The following PCDH17 variants were observed in gnomAD, a reference collection of about 807,000 sequenced individuals.
PCDH17 encodes the protein protocadherin-17.
A neutral mutation model predicts 67.7 loss-of-function variants in PCDH17; 21 were observed. That is an observed-to-expected ratio of 0.31 (90% confidence interval 0.22 to 0.45). The LOEUF is 0.45. Ranked by LOEUF, PCDH17 falls within the 20% of genes least tolerant of loss-of-function variation. PCDH17 has a pLI of 1.00. For missense variants in PCDH17, 1,471 were observed against 1,564.8 expected (o/e 0.94, Z 1.01); for synonymous variants, 701 against 656.7 (o/e 1.07, Z -1.03).
Position 57,729,208 on chromosome 13 carries a change from CAGCATACATTGT to C in PCDH17, c.*3916_*3927del, listed in dbSNP as rs1451751329. The stretch of plus-strand genomic sequence containing the variant: ...TGGTGAACAAGGACAACAACAAAAG[CAGCATACATTGT>C]ATGGATTTATCTCAACGCTATTGTT... On this transcript the variant is annotated 3_prime_UTR_variant, in exon 4 of 4. Transcript: ENST00000377918. The C allele has an allele frequency of 4.6e-5, 7 of 152,062 alleles. No homozygotes were observed. The highest frequency in any genetic ancestry group is 1.0e-4 in the Non-Finnish European group (7 of 67,972). 9.4% of individuals were successfully genotyped at this position (152,062 alleles called of 1,614,324 possible).
chr13:57,677,091 C>G (rs957699123), intron 3 of PCDH17, among the ~76,000 whole-genome samples: 8 of 151,824 alleles, frequency 5.3e-5, no homozygotes, highest in Admixed American at 4.6e-4. Flanking sequence ...ATATATATTG[C>G]ATTTCTGGCA....
At chr13:57,643,620 TTGAATTAAGAATG>T (rs1333600863) in intron 1 of PCDH17, among the ~76,000 whole-genome samples, 1 of 151,616 alleles carries the variant, frequency 6.6e-6, no homozygotes, top group African/African-American at 2.4e-5. Context: ...AGTCCTTTTA[TTGAATTAAGAATG>T]TGAATAAGAG....
chr13:57,706,343 T>C (rs1955721370), intron 3 of PCDH17, among the ~76,000 whole-genome samples: 1 of 152,158 alleles, frequency 6.6e-6, no homozygotes, highest in Admixed American at 6.5e-5. Context: ...AATTTTGTCA[T>C]TTCAGTCTTG....
Position 57,659,021 on chromosome 13 carries a change from A to T in PCDH17, c.2566-7447A>T, listed in dbSNP as rs140171328. Among the ~76,000 whole-genome samples, 382 of 152,140 alleles carry T rather than the reference A, an allele frequency of 2.5e-3. 2 individuals carry two copies. Among genetic ancestry groups the T allele is most frequent in the African/African-American group, 8.1e-3 (335 of 41,500 alleles). ...ATGGTGTGTCAGAATTGTTCCTTTC[A>T]TAGGAAATTTCCTGAATATCTCATG... On this transcript the variant is annotated intron_variant, in intron 1 of 3. Coordinates refer to ENST00000377918, the MANE Select transcript of PCDH17 (RefSeq NM_001040429.3).
At chr13:57,716,406 C>T (rs1302362818) in intron 3 of PCDH17, among the ~76,000 whole-genome samples, 1 of 151,864 alleles carries the variant, frequency 6.6e-6, no homozygotes, top group Non-Finnish European at 1.5e-5. Flanking sequence ...AGTCCTTTGA[C>T]CTATAAAGCT....
Position 57,666,750 on chromosome 13 carries a change from A to G in PCDH17, c.2714A>G (p.Asn905Ser), listed in dbSNP as rs1344216862. The change falls in exon 3 of 4, where the codon AAC (asparagine) becomes AGC (serine). Residue 905 changes from asparagine (N) to serine (S), a missense_variant. This residue lies in a region of PCDH17 where 11 missense variants were observed against 36.2 expected (regional missense o/e 0.30). Coordinates refer to ENST00000377918, the MANE Select transcript of PCDH17 (RefSeq NM_001040429.3). ...CAGGCTGACAGTGACCAAGACACTA[A>G]CAAAGGCTCCTGCTGTGACATGTCT... ...SDQADSDQDT[N>S]KGSCCDMSVR... is the part of the protein sequence containing the mutation. 3.1e-6 allele frequency: 5 copies of G among 1,613,730 alleles called. No individual in the cohort carries two copies. Among genetic ancestry groups the G allele is most frequent in the Non-Finnish European group, 4.2e-6 (5 of 1,179,854 alleles).
chr13:57,635,019 G>C lies in PCDH17; in HGVS notation c.2473G>C (p.Val825Leu), dbSNP rs1442315089. ...CAAACCGGCCTCCAACAACCTGACT[G>C]TCCCTCAGGGGCACGCGGGCTGCCA... Reference protein sequence around the residue: ...YLKPASNNLTVPQGHAGCHTS... With the variant: ...YLKPASNNLTLPQGHAGCHTS... Residue 825 changes from valine (V) to leucine (L), a missense_variant, in exon 1 of 4, where the codon GTC becomes CTC. Coordinates refer to ENST00000377918, the MANE Select transcript of PCDH17 (RefSeq NM_001040429.3). The C allele has an allele frequency of 6.2e-7, 1 of 1,613,474 alleles. No individual in the cohort carries two copies. The highest frequency in any genetic ancestry group is 1.7e-5 in the Admixed American group (1 of 60,016).
At chr13:57,719,218 G>C (rs1190496152) in intron 3 of PCDH17, among the ~76,000 whole-genome samples, 4 of 151,980 alleles carry the variant, frequency 2.6e-5, no homozygotes, top group African/African-American at 9.7e-5. Flanking sequence ...CTAATATTAA[G>C]ATGTTGTTAG....
upstream of PCDH17, among the ~76,000 whole-genome samples, chr13:57,630,457 G>A (rs1169606600): frequency 6.6e-6 from 1 of 151,890 alleles, no homozygotes. Context: ...GAACTATGAT[G>A]CGAGGCTAAG....
chr13:57,650,344 G>A (rs1271456191), intron 1 of PCDH17, among the ~76,000 whole-genome samples: 1 of 151,152 alleles, frequency 6.6e-6, no homozygotes, highest in Non-Finnish European at 1.5e-5. Context: ...AGGCACGGCT[G>A]GTCTACTGCC....
At chr13:57,708,877 T>G (rs1365238106) in intron 3 of PCDH17, among the ~76,000 whole-genome samples, 1 of 151,938 alleles carries the variant, frequency 6.6e-6, no homozygotes, top group Non-Finnish European at 1.5e-5. Context: ...ATATTCACTG[T>G]GCATTTCAAT....
chr13:57,701,574 T>A (rs1463831287), intron 3 of PCDH17, among the ~76,000 whole-genome samples: 1 of 152,154 alleles, frequency 6.6e-6, no homozygotes, highest in African/African-American at 2.4e-5. Context: ...CAATATTTTT[T>A]AATAGAGAAG....
At chr13:57,712,913 A>G (rs564146949) in intron 3 of PCDH17, among the ~76,000 whole-genome samples, 86 of 151,690 alleles carry the variant, frequency 5.7e-4, no homozygotes, top group Non-Finnish European at 1.1e-3. Context: ...ATGGCTGATT[A>G]TCAATGGAAT....
At chr13:57,683,108 A>ATTTTTTTTTTTTTTTTTT (rs1955470661) in intron 3 of PCDH17, among the ~76,000 whole-genome samples, 1 of 151,826 alleles carries the variant, frequency 6.6e-6, no homozygotes, top group Non-Finnish European at 1.5e-5. Flanking sequence ...TTTCATAGGT[A>ATTTTTTTTTTTTTTTTTT]TTTTTATTAT....
rs1955931482 is a variant in PCDH17 at position 57,728,544 on chromosome 13, A to G, written c.*3250A>G. The stretch of plus-strand genomic sequence containing the variant: ...AAAAAAAAAAAAAAAAAAAAAAGCA[A>G]CAAAATAACCTTTTCATCAGAGTTA... On this transcript the variant is annotated 3_prime_UTR_variant, in exon 4 of 4. Transcript: ENST00000377918. 1 of 150,698 alleles carries G rather than the reference A, an allele frequency of 6.6e-6. No individual in the cohort carries two copies. Among genetic ancestry groups the G allele is most frequent in the African/African-American group, 2.4e-5 (1 of 41,132 alleles). 9.3% of individuals were successfully genotyped at this position (150,698 alleles called of 1,614,324 possible). A position where few individuals can be genotyped will look rare whatever the true frequency, so the allele number is the denominator to read the frequency against.
intron 1 of PCDH17, among the ~76,000 whole-genome samples, chr13:57,641,177 A>G (rs948191639): frequency 1.7e-4 from 26 of 151,882 alleles, no homozygotes; most frequent in Admixed American, 3.3e-4. Context: ...AACCTACTTT[A>G]GTAAAGGAGG....
chr13:57,713,296 T>C (rs1955792322), intron 3 of PCDH17, among the ~76,000 whole-genome samples: 1 of 151,734 alleles, frequency 6.6e-6, no homozygotes, highest in Non-Finnish European at 1.5e-5. Context: ...AACACGGATA[T>C]TGAGTGCATT....
rs950772013 is a variant in PCDH17 at position 57,727,909 on chromosome 13, A to C, written c.*2615A>C. ...AGAGAGTAGGGTTTATTTTATAAAC[A>C]TTCTTAATGCTAAGTAACCAGTTGT... is the stretch of plus-strand genomic sequence containing the variant. On this transcript the variant is annotated 3_prime_UTR_variant, in exon 4 of 4. Coordinates refer to ENST00000377918, the MANE Select transcript of PCDH17 (RefSeq NM_001040429.3). 2 of 152,562 alleles carry C rather than the reference A, an allele frequency of 1.3e-5. No individual in the cohort carries two copies. Among genetic ancestry groups the C allele is most frequent in the African/African-American group, 4.8e-5 (2 of 41,450 alleles). The allele number at this position is 152,562 out of a possible 1,614,324, so 9.5% of individuals were successfully genotyped here.
Position 57,666,669 on chromosome 13 carries a change from C to G in PCDH17, c.2633C>G (p.Thr878Arg). ...CTTTATATGTATTTCAGTAGCTCCA[C>G]GTTTAAGGACCCAGAAAGAGCCAGC... The part of the protein sequence containing the change: ...SRQQFVQSSS[T>R]FKDPERASLR... Residue 878 changes from threonine to arginine, a missense_variant, in exon 3 of 4, where the codon ACG (threonine) becomes AGG (arginine). Transcript: ENST00000377918. 6.2e-7 allele frequency: 1 copy of G among 1,610,868 alleles called. No individual in the cohort carries two copies. The highest frequency in any genetic ancestry group is 1.3e-5 in the African/African-American group (1 of 74,824).
Sources: gnomAD v4.1 joint callset for allele counts (sites outside exome capture counted in the v4.1 genomes callset) on GRCh38, gnomAD v4.1.1 for gene constraint, gnomAD v4.1.1 regional missense constraint, MANE v1.5 for transcripts, NCBI Gene and HGNC (gene_info 2026-07-23, HGNC 2026-07-21) for gene names.